RAB36: variants seen among roughly 807,000 people sequenced by gnomAD.
RAB36 encodes the protein ras-related protein Rab-36.
Under a neutral mutation model 39.3 loss-of-function variants are expected in RAB36, and 33 were observed. The ratio of observed to expected loss-of-function variants is 0.84; its 90% confidence interval spans 0.64 to 1.12. The LOEUF is 1.12. RAB36 is among the 50% of genes most tolerant of loss of function. The pLI is 0.00. For synonymous variants in RAB36, 133 were observed against 140.2 expected (o/e 0.95, Z 0.36); for missense variants, 308 against 355.3 (o/e 0.87, Z 1.07).
chr22:23,164,356 T>G lies in RAB36; in HGVS notation c.*2792T>G, dbSNP rs896975796. 4 of 152,288 alleles carry G rather than the reference T, an allele frequency of 2.6e-5. No homozygotes were observed. The highest frequency in any genetic ancestry group is 5.9e-5 in the Non-Finnish European group (4 of 68,060). 9.4% of individuals were successfully genotyped at this position (152,288 alleles called of 1,614,324 possible). ...ATCGTCCTCATATTACCTCCTGCAATGTGCCAGCTGATTCCCACACACCCT... is the reference window on the plus strand; with the variant it reads ...ATCGTCCTCATATTACCTCCTGCAAGGTGCCAGCTGATTCCCACACACCCT... On this transcript the variant is annotated 3_prime_UTR_variant, in exon 11 of 11. Coordinates refer to ENST00000263116, the MANE Select transcript of RAB36 (RefSeq NM_004914.5).
intron 2 of RAB36, among the ~76,000 whole-genome samples, chr22:23,147,342 T>G (rs2070843896): frequency 6.8e-6 from 1 of 146,880 alleles, no homozygotes; most frequent in Admixed American, 6.8e-5. Context: ...TCTTTTTTCT[T>G]TTTTTTTTAG....
chr22:23,162,760 T>G lies in RAB36; in HGVS notation c.*1196T>G, dbSNP rs757249418. On this transcript the variant is annotated 3_prime_UTR_variant, in exon 11 of 11. Transcript: ENST00000263116. ...GGCGAGCACCTTGCAGGCAGCCTTCTGATCAGTACTGCTCTCCTAGGGCCT... is the reference window on the plus strand; with the variant it reads ...GGCGAGCACCTTGCAGGCAGCCTTCGGATCAGTACTGCTCTCCTAGGGCCT... 6 of 456,308 alleles carry G rather than the reference T, an allele frequency of 1.3e-5. 1 individual carries two copies. The highest frequency in any genetic ancestry group is 9.3e-5 in the South Asian group (6 of 64,570). 28.3% of individuals were successfully genotyped at this position (456,308 alleles called of 1,614,324 possible). A position where few individuals can be genotyped will look rare whatever the true frequency, so the allele number is the denominator to read the frequency against.
At chr22:23,169,238 G>C, downstream of RAB36, among the ~76,000 whole-genome samples, 1 of 152,200 alleles carries the variant, frequency 6.6e-6, no homozygotes, top group South Asian at 2.1e-4. Context: ...TCTTTGCTCC[G>C]CACTCTGGCT....
In RAB36 at chr22:23,162,590, C is replaced by A. The variant is rs75984322; in HGVS notation, c.*1026C>A. On this transcript the variant is annotated 3_prime_UTR_variant, in exon 11 of 11. Coordinates refer to ENST00000263116, the MANE Select transcript of RAB36 (RefSeq NM_004914.5). Reference sequence around the variant, plus strand: ...TGCACATGCAGAGCAGACAGAAATACCCCACACATTCCCCAGCCTCTCTGC... The same window carrying A: ...TGCACATGCAGAGCAGACAGAAATAACCCACACATTCCCCAGCCTCTCTGC... 8,176 of 454,244 alleles carry A rather than the reference C, an allele frequency of 0.018. 564 individuals are homozygous for A. The highest frequency in any genetic ancestry group is 0.15 in the African/African-American group (7,459 of 50,132). 28.1% of individuals were successfully genotyped at this position (454,244 alleles called of 1,614,324 possible).
downstream of RAB36, among the ~76,000 whole-genome samples, chr22:23,165,915 G>C (rs1238008733): frequency 6.6e-6 from 1 of 152,162 alleles, no homozygotes; most frequent in Non-Finnish European, 1.5e-5. Flanking sequence ...GGGAGGCCAA[G>C]GCGGGCGGAT....
chr22:23,158,080 G>A, intron 7 of RAB36, 37 bp downstream of exon 7: 5 of 1,612,020 alleles, frequency 3.1e-6, no homozygotes, highest in Non-Finnish European at 4.2e-6. Flanking sequence ...AGTCTCCCTG[G>A]GCTCAGGAAG....
chr22:23,155,894 G>A (rs949505347), intron 5 of RAB36, 74 bp from the exon 6 acceptor site: 16 of 1,395,606 alleles, frequency 1.1e-5, no homozygotes, highest in East Asian at 5.1e-5. Flanking sequence ...CCATGGTCCC[G>A]TAGCCTGTTG....
At position 23,156,145 on chromosome 22, in the gene RAB36, G is replaced by A. The variant is rs1569212969; in HGVS notation, c.394+113G>A. On this transcript the variant is annotated intron_variant, in intron 6 of 10. Coordinates refer to ENST00000263116, the MANE Select transcript of RAB36 (RefSeq NM_004914.5). Reference sequence around the variant, plus strand: ...CAGGCACCAGTTTTTTGTCCTCCAAGACCCACTGAGAAAACACCAGGCCAC... The same window carrying A: ...CAGGCACCAGTTTTTTGTCCTCCAAAACCCACTGAGAAAACACCAGGCCAC... 5.0e-5 allele frequency: 44 copies of A among 882,836 alleles called. No homozygotes were observed. The Admixed American group carries it at 6.6e-4, about 13-fold the overall frequency. 54.7% of individuals were successfully genotyped at this position (882,836 alleles called of 1,614,324 possible). A position where few individuals can be genotyped will look rare whatever the true frequency, so the allele number is the denominator to read the frequency against.
At chr22:23,156,142 C>CCACT in intron 6 of RAB36, 110 bp downstream of exon 6, 1 of 853,830 alleles carries the variant, frequency 1.2e-6, no homozygotes, top group Non-Finnish European at 1.7e-6. Context: ...TTTTGTCCTC[C>CCACT]AAGACCCACT....
In RAB36 at chr22:23,156,554, G is replaced by A. The variant is rs147677124; in HGVS notation, c.394+522G>A. Reference sequence around the variant, plus strand: ...AGCAGGGGGCGGCAGCATAAGCTCCGGATGCCTACCCCACCTTCCCAGGAA... The same window carrying A: ...AGCAGGGGGCGGCAGCATAAGCTCCAGATGCCTACCCCACCTTCCCAGGAA... On this transcript the variant is annotated intron_variant, in intron 6 of 10. Transcript: ENST00000263116. Among the ~76,000 whole-genome samples, 6 of 152,242 alleles carry A rather than the reference G, an allele frequency of 3.9e-5. No individual in the cohort carries two copies. In the South Asian group the frequency reaches 1.0e-3, roughly 26 times the overall value.
chr22:23,152,331 G>C lies in RAB36; in HGVS notation c.162-130G>C, dbSNP rs550407284. The C allele has an allele frequency of 2.1e-4, 182 of 868,382 alleles. 1 individual carries two copies. The African/African-American group carries it at 2.6e-3, about 13-fold the overall frequency. The allele number at this position is 868,382 out of a possible 1,614,324, so 53.8% of individuals were successfully genotyped here. ...AAGGGGGAACACAGTGTCTCAGCAG[G>C]GTGGCCCATCCTGTGTCCAGGAGTG... On this transcript the variant is annotated intron_variant, in intron 3 of 10. Coordinates refer to ENST00000263116, the MANE Select transcript of RAB36 (RefSeq NM_004914.5).
In RAB36 at chr22:23,163,719, C is replaced by T. The variant is rs1241597047; in HGVS notation, c.*2155C>T. The T allele has an allele frequency of 1.3e-5, 2 of 151,522 alleles. No individual in the cohort carries two copies. The highest frequency in any genetic ancestry group is 4.8e-5 in the African/African-American group (2 of 41,348). The allele number at this position is 151,522 out of a possible 1,614,324, so 9.4% of individuals were successfully genotyped here. ...CAGGAAAGACTGTTAGCTCTGCTAA[C>T]AGTCAGGACTATTCCTTCTGGACTC... On this transcript the variant is annotated 3_prime_UTR_variant, in exon 11 of 11. Transcript: ENST00000263116.
At position 23,162,809 on chromosome 22, in the gene RAB36, A is replaced by G. The variant is rs1292518278; in HGVS notation, c.*1245A>G. Reference sequence around the variant, plus strand: ...CTGGCACACTGCAGCTGCCCTGTAAATGTTCAGCTCAGCGATTGCCAAATA... The same window carrying G: ...CTGGCACACTGCAGCTGCCCTGTAAGTGTTCAGCTCAGCGATTGCCAAATA... On this transcript the variant is annotated 3_prime_UTR_variant, in exon 11 of 11. Transcript: ENST00000263116. 5.1e-5 allele frequency: 23 copies of G among 451,696 alleles called. No homozygotes were observed. The highest frequency in any genetic ancestry group is 9.4e-5 in the Non-Finnish European group (21 of 223,302). The allele number at this position is 451,696 out of a possible 1,614,324, so 28.0% of individuals were successfully genotyped here.
At position 23,153,653 on chromosome 22, in the gene RAB36, C is replaced by T. The variant is rs183324519; in HGVS notation, c.329+519C>T. On this transcript the variant is annotated intron_variant, in intron 5 of 10. Transcript: ENST00000263116. ...GTCTTCCTCCTCACACTGCAGCCTT[C>T]ACTCCCTCTCCCCAGCCTCACTTTC... The T allele has an allele frequency of 7.7e-4, 719 of 928,916 alleles. 5 individuals carry two copies. In the African/African-American group the frequency reaches 0.012, roughly 15 times the overall value. 57.5% of individuals were successfully genotyped at this position (928,916 alleles called of 1,614,324 possible).
chr22:23,166,147 TAAAAAAAAAAAAAAAAAAA>T (rs695297), downstream of RAB36, among the ~76,000 whole-genome samples: 1 of 59,888 alleles, frequency 1.7e-5, no homozygotes, highest in African/African-American at 7.1e-5. Context: ...CTCTGTCTTT[TAAAAAAAAAAAAAAAAAAA>T]AAAAAAAAAA....
Position 23,161,087 on chromosome 22 carries a change from AT to A in RAB36, c.739+92del, listed in dbSNP as rs2071758661. 33 of 1,461,288 alleles carry A rather than the reference AT, an allele frequency of 2.3e-5. No homozygotes were observed. In the South Asian group the frequency reaches 4.1e-4, roughly 18 times the overall value. The allele number at this position is 1,461,288 out of a possible 1,614,324, so 90.5% of individuals were successfully genotyped here. A position where few individuals can be genotyped will look rare whatever the true frequency, so the allele number is the denominator to read the frequency against. Reference sequence around the variant, plus strand: ...CATCCTCGTCACCTGAGGCCTTGCCATTTCCTGAACTTGTGGCCCTCTCCTG... The same window carrying A: ...CATCCTCGTCACCTGAGGCCTTGCCATTCCTGAACTTGTGGCCCTCTCCTG... On this transcript the variant is annotated intron_variant, in intron 10 of 10. Transcript: ENST00000263116.
chr22:23,157,193 T>G (rs1210229042), intron 6 of RAB36, among the ~76,000 whole-genome samples: 2 of 152,068 alleles, frequency 1.3e-5, no homozygotes, highest in African/African-American at 4.8e-5. Context: ...AGCAGGTTGT[T>G]GCTAACCATC....
At chr22:23,152,649 C>T in intron 4 of RAB36, 123 bp downstream of exon 4, 1 of 927,872 alleles carries the variant, frequency 1.1e-6, no homozygotes, top group Non-Finnish European at 1.7e-6. Context: ...ACTGCTGTGC[C>T]TCAGCCTGCT....
At chr22:23,159,328 A>G (rs2146585414) in intron 9 of RAB36, 75 bp downstream of exon 9, 1 of 1,368,818 alleles carries the variant, frequency 7.3e-7, no homozygotes, top group Admixed American at 2.2e-5. Flanking sequence ...CCTGCCATGC[A>G]GTGTTTCCCT....
Sources: allele counts gnomAD v4.1 joint callset (sites outside exome capture counted in the v4.1 genomes callset), GRCh38; gene constraint gnomAD v4.1.1; transcripts MANE v1.5; gene names NCBI Gene and HGNC (gene_info 2026-07-23, HGNC 2026-07-21).